Variants in PPM1L observed in about 807,000 individuals in gnomAD.
PPM1L encodes the protein protein phosphatase, Mg2+/Mn2+ dependent 1L, also known as protein phosphatase 1L.
In PPM1L, 13 loss-of-function variants were observed where a neutral mutation model predicts 31.4. That is an observed-to-expected ratio of 0.41 (90% CI 0.27 to 0.66). The LOEUF (loss-of-function observed/expected upper bound fraction) is 0.66, where lower values mean the gene tolerates loss of function less well. Among genes scored for constraint, PPM1L ranks in the 30% least tolerant of loss-of-function variants. The pLI, the probability that PPM1L is intolerant of heterozygous loss-of-function variation, is 0.29. For synonymous variants in PPM1L, 184 were observed against 175.4 expected (o/e 1.05, Z -0.39); for missense variants, 326 against 453.7 (o/e 0.72, Z 2.56).
intron 1 of PPM1L, among the ~76,000 whole-genome samples, chr3:160,781,504 C>T (rs895660250): frequency 3.3e-5 from 5 of 152,132 alleles, no homozygotes; most frequent in Admixed American, 3.3e-4. Context: ...GGAAAATGGC[C>T]TAGCTGCACA....
At chr3:160,810,377 A>G (rs936376997) in intron 1 of PPM1L, among the ~76,000 whole-genome samples, 1 of 152,168 alleles carries the variant, frequency 6.6e-6, no homozygotes, top group East Asian at 1.9e-4. Flanking sequence ...AAGATGGGCA[A>G]TGTGGTTCCA....
In PPM1L at chr3:160,756,524, C is replaced by T. The variant is rs754559963; in HGVS notation, c.216C>T (p.Leu72=). 15 of 1,613,966 alleles carry T rather than the reference C, an allele frequency of 9.3e-6. No individual in the cohort carries two copies. Among genetic ancestry groups the T allele is most frequent in the African/African-American group, 6.7e-5 (5 of 74,886 alleles). Residue 72 remains leucine (L), a synonymous_variant, in exon 1 of 4, where the codon CTC becomes CTT. Transcript: ENST00000498165. The surrounding 1 kb of genome is among the most constrained non-coding windows in gnomAD (Gnocchi z 6.2). ...KVAEIMQNDR[L]GGLDVLEAEF... is the part of the protein sequence containing the mutation. ...CCGAGATCATGCAGAACGATCGACTCGGGGGGCTTGATGTGCTCGAGGCCG... is the reference window on the plus strand; with the variant it reads ...CCGAGATCATGCAGAACGATCGACTTGGGGGGCTTGATGTGCTCGAGGCCG...
chr3:160,760,707 G>T (rs1217633143), intron 1 of PPM1L, among the ~76,000 whole-genome samples: 2 of 151,824 alleles, frequency 1.3e-5, no homozygotes, highest in African/African-American at 4.8e-5. Flanking sequence ...ACAGGCAAAA[G>T]GTGGTTTTTT....
chr3:160,873,580 C>T (rs1460890293), intron 1 of PPM1L, among the ~76,000 whole-genome samples: 6 of 152,064 alleles, frequency 3.9e-5, no homozygotes, highest in Non-Finnish European at 7.4e-5. Context: ...CAGATTCTCA[C>T]TCTATCGCCC....
chr3:160,765,951 C>T (rs1367083977), intron 1 of PPM1L, among the ~76,000 whole-genome samples: 2 of 152,150 alleles, frequency 1.3e-5, no homozygotes, highest in African/African-American at 2.4e-5. Context: ...GCTAATCCTG[C>T]GTTTTCATTC....
intron 1 of PPM1L, among the ~76,000 whole-genome samples, chr3:160,787,028 G>A (rs772490695): frequency 1.3e-5 from 2 of 151,994 alleles, no homozygotes; most frequent in Non-Finnish European, 2.9e-5. Context: ...AGTTGATTCC[G>A]TGTCTTTGCT....
At chr3:160,837,642 G>C (rs182839849) in intron 1 of PPM1L, among the ~76,000 whole-genome samples, 58 of 152,316 alleles carry the variant, frequency 3.8e-4, no homozygotes, top group Admixed American at 3.3e-3. Flanking sequence ...AGGAATGCTT[G>C]TCCTTGTTGC....
intron 1 of PPM1L, among the ~76,000 whole-genome samples, chr3:160,839,526 A>G (rs1713808444): frequency 1.3e-5 from 2 of 152,214 alleles, no homozygotes; most frequent in Admixed American, 1.3e-4. Flanking sequence ...TTAGCCTGAT[A>G]TCATTAAACA....
chr3:160,804,449 A>G (rs1171833243), intron 1 of PPM1L, among the ~76,000 whole-genome samples: 1 of 152,196 alleles, frequency 6.6e-6, no homozygotes, highest in Non-Finnish European at 1.5e-5. Flanking sequence ...CTTTTACCAG[A>G]CATGGTAATT....
At chr3:160,859,359 A>G (rs1054982444) in intron 1 of PPM1L, among the ~76,000 whole-genome samples, 4 of 152,194 alleles carry the variant, frequency 2.6e-5, no homozygotes, top group Non-Finnish European at 5.9e-5. Flanking sequence ...AGGTCTTTCC[A>G]GTTTCTACAT....
intron 1 of PPM1L, among the ~76,000 whole-genome samples, chr3:160,884,710 CT>C (rs1486421148): frequency 6.6e-6 from 1 of 152,168 alleles, no homozygotes; most frequent in African/African-American, 2.4e-5. Context: ...AATGGGGCCA[CT>C]TTCATAAATA....
At chr3:160,932,110 C>CA (rs1036524436) in intron 1 of PPM1L, among the ~76,000 whole-genome samples, 5 of 150,650 alleles carry the variant, frequency 3.3e-5, no homozygotes, top group South Asian at 2.1e-4. Flanking sequence ...TATGTTTTCT[C>CA]AAAAAAAAAT....
At chr3:160,869,605 A>T (rs115259639) in intron 1 of PPM1L, among the ~76,000 whole-genome samples, 1,984 of 152,148 alleles carry the variant, frequency 0.013, 49 homozygotes, top group African/African-American at 0.046. Context: ...TTTTTTTCCA[A>T]AAATTGTATG....
intron 2 of PPM1L, among the ~76,000 whole-genome samples, chr3:161,037,353 A>C (rs574943903): frequency 1.3e-5 from 2 of 150,912 alleles, no homozygotes; most frequent in African/African-American, 4.9e-5. Context: ...ATGGTGAGGA[A>C]CTGAGGTTTG....
chr3:161,076,060 A>G lies in PPM1L; in HGVS notation c.*6903A>G, dbSNP rs1181708260. On this transcript the variant is annotated 3_prime_UTR_variant, in exon 4 of 4. Coordinates refer to ENST00000498165, the MANE Select transcript of PPM1L (RefSeq NM_139245.4). ...GTGAGTACTCAATTTACGACAGACA[A>G]TTTCACAAAAACCAACCACAGAGTG... 1 of 152,222 alleles carries G rather than the reference A, an allele frequency of 6.6e-6. No individual in the cohort carries two copies. 9.4% of individuals were successfully genotyped at this position (152,222 alleles called of 1,614,324 possible).
chr3:161,078,788 G>C lies in PPM1L; in HGVS notation c.*9631G>C, dbSNP rs568025462. 1 of 152,292 alleles carries C rather than the reference G, an allele frequency of 6.6e-6. No homozygotes were observed. The highest frequency in any genetic ancestry group is 2.1e-4 in the South Asian group (1 of 4,818). 9.4% of individuals were successfully genotyped at this position (152,292 alleles called of 1,614,324 possible). On this transcript the variant is annotated 3_prime_UTR_variant, in exon 4 of 4. Transcript: ENST00000498165. ...GCTCGGGTAGAATTAGCCTTGTAGA[G>C]ACTAATGTGTTCATGCTATCTCTGA... is the stretch of plus-strand genomic sequence containing the variant.
intron 2 of PPM1L, among the ~76,000 whole-genome samples, chr3:160,964,034 A>T (rs1358536642): frequency 6.6e-6 from 1 of 152,024 alleles, no homozygotes; most frequent in African/African-American, 2.4e-5. Flanking sequence ...ATCTCACATG[A>T]TAATAATAAA....
intron 2 of PPM1L, among the ~76,000 whole-genome samples, chr3:161,059,049 C>A (rs1003024585): frequency 5.3e-5 from 8 of 152,144 alleles, no homozygotes; most frequent in African/African-American, 1.9e-4. Context: ...TAGACTGATA[C>A]ATAATTTGCA....
At chr3:160,850,622 A>G (rs1711502662) in intron 1 of PPM1L, among the ~76,000 whole-genome samples, 1 of 152,158 alleles carries the variant, frequency 6.6e-6, no homozygotes, top group Non-Finnish European at 1.5e-5. Context: ...GCCACCAGCC[A>G]TCCAATAAGT....
Sources: allele counts gnomAD v4.1 joint callset (sites outside exome capture counted in the v4.1 genomes callset), GRCh38; gene constraint gnomAD v4.1.1; non-coding constraint Gnocchi (gnomAD v3.1); transcripts MANE v1.5; gene names NCBI Gene and HGNC (gene_info 2026-07-23, HGNC 2026-07-21).